The following GZMB variants were observed in gnomAD, a reference collection of about 807,000 sequenced individuals.
GZMB encodes the protein granzyme B, also known as T-cell serine protease 1-3E.
A neutral mutation model predicts 24.2 loss-of-function variants in GZMB; 27 were observed. The ratio of observed to expected loss-of-function variants is 1.12; its 90% CI spans 0.82 to 1.54. The LOEUF is 1.54. GZMB is among the 40% of genes most tolerant of loss of function. The probability of loss-of-function intolerance (pLI) is 0.00; values close to 1 mark genes in which losing one functional copy is unlikely to be tolerated. For synonymous variants in GZMB, 121 were observed against 115.1 expected (o/e 1.05, Z -0.33); for missense variants, 336 against 310.1 (o/e 1.08, Z -0.63).
chr14:24,631,018 TG>T lies in GZMB; in HGVS notation c.*52del. On this transcript the variant is annotated 3_prime_UTR_variant, in exon 5 of 5. Coordinates refer to ENST00000216341, the MANE Select transcript of GZMB (RefSeq NM_004131.6). ...ACCTCTCCCAGTGTAAATCTGGACT[TG>T]GCTCCAGAGAAGGTGTTTCATTACA... 2 of 1,398,732 alleles carry T rather than the reference TG, an allele frequency of 1.4e-6. No homozygotes were observed. The highest frequency in any genetic ancestry group is 2.0e-6 in the Non-Finnish European group (2 of 986,958). The allele number at this position is 1,398,732 out of a possible 1,614,324, so 86.6% of individuals were successfully genotyped here. A position where few individuals can be genotyped will look rare whatever the true frequency, so the allele number is the denominator to read the frequency against.
At chr14:24,633,421 T>C in intron 1 of GZMB, 1 of 335,518 alleles carries the variant, frequency 3.0e-6, no homozygotes, top group Non-Finnish European at 4.2e-6. Context: ...AGGGTGTAAG[T>C]GGAGGGATCT....
At position 24,631,211 on chromosome 14, in the gene GZMB, C is replaced by A. The variant is rs752072598; in HGVS notation, c.604G>T (p.Asp202Tyr). 5.6e-6 allele frequency: 9 copies of A among 1,612,804 alleles called. No homozygotes were observed. Among genetic ancestry groups the A allele is most frequent in the Non-Finnish European group, 6.8e-6 (8 of 1,179,368 alleles). The stretch of plus-strand genomic sequence containing the variant: ...TTACACACAAGAGGGCCTCCAGAGT[C>A]CCCCTGTGAATAGAGAGTGGAAGGA... ...PEIKKTSFKG[D>Y]SGGPLVCNKV... Residue 202 changes from aspartate (D) to tyrosine (Y), a missense_variant, in exon 5 of 5, where the codon GAC becomes TAC. Coordinates refer to ENST00000216341, the MANE Select transcript of GZMB (RefSeq NM_004131.6).
Position 24,632,391 on chromosome 14 carries a change from A to G in GZMB, c.272T>C (p.Val91Ala). The G allele has an allele frequency of 6.2e-7, 1 of 1,613,104 alleles. No individual in the cohort carries two copies. Among genetic ancestry groups the G allele is most frequent in the South Asian group, 1.1e-5 (1 of 91,008 alleles). The change falls in exon 3 of 5, where the codon GTG (valine) becomes GCG (alanine). Residue 91 changes from valine to alanine, a missense_variant. Transcript: ENST00000216341. ...GGCTGGATGGGGGATGGGTCTTTTC[A>G]CAGGGATAAACTGCTGGGTCGGCTC... Reference protein sequence around the residue: ...EQEPTQQFIPVKRPIPHPAYN... With the variant: ...EQEPTQQFIPAKRPIPHPAYN...
Position 24,632,081 on chromosome 14 carries a change from G to A in GZMB, c.377C>T (p.Pro126Leu). ...RKAKRTRAVQ[P>L]LRLPSNKAQV... ...GGCCTTGTTGCTAGGTAGCCTGAGG[G>A]GCTGCACAGCTCTGGTCCGCTTGGC... Residue 126 changes from proline to leucine, a missense_variant, in exon 4 of 5, where the codon CCC (proline) becomes CTC (leucine). Transcript: ENST00000216341. 5 of 1,614,210 alleles carry A rather than the reference G, an allele frequency of 3.1e-6. No homozygotes were observed. Among genetic ancestry groups the A allele is most frequent in the Non-Finnish European group, 3.4e-6 (4 of 1,180,026 alleles).
intron 4 of GZMB, 38 bp from the exon 5 acceptor site, chr14:24,631,252 T>C: frequency 6.3e-7 from 1 of 1,590,248 alleles, no homozygotes; most frequent in South Asian, 1.1e-5. Context: ...CTGATGCTCC[T>C]CCGGGTCCTG....
rs2066997356 is a variant in GZMB, at chr14:24,631,863, A to T, written c.595T>A (p.Phe199Ile). The T allele has an allele frequency of 6.2e-7, 1 of 1,613,712 alleles. No individual in the cohort carries two copies. Among genetic ancestry groups the T allele is most frequent in the South Asian group, 1.1e-5 (1 of 91,076 alleles). The change falls in exon 4 of 5, where the codon TTT becomes ATT. Residue 199 changes from phenylalanine (F) to isoleucine (I), a missense_variant. Transcript: ENST00000216341. ...AGGCAGGTGCATAGTCTTACCTTAA[A>T]GGAAGTCTTTTTAATCTCTGGGTCC... is the stretch of plus-strand genomic sequence containing the variant. ...VGDPEIKKTS[F>I]KGDSGGPLVC...
Sources: gnomAD v4.1 joint callset for allele counts on GRCh38, gnomAD v4.1.1 for gene constraint, MANE v1.5 for transcripts, NCBI Gene and HGNC (gene_info 2026-07-23, HGNC 2026-07-21) for gene names.